The following DYNC1I1 variants were observed in gnomAD, a reference collection of about 807,000 sequenced individuals.
The protein encoded by DYNC1I1 is cytoplasmic dynein 1 intermediate chain 1.
In DYNC1I1, 43 loss-of-function variants were observed where a neutral mutation model predicts 86.6. The observed-to-expected ratio is 0.50, with a 90% CI of 0.39 to 0.64. DYNC1I1 has a LOEUF of 0.64. DYNC1I1 is among the 30% of genes least tolerant of loss of function. The pLI, the probability that DYNC1I1 is intolerant of heterozygous loss-of-function variation, is 0.00. For synonymous variants in DYNC1I1, 262 were observed against 283.7 expected (o/e 0.92, Z 0.77); for missense variants, 604 against 788.8 (o/e 0.77, Z 2.81).
chr7:96,089,219 A>AT (rs1439576793), intron 16 of DYNC1I1, among the ~76,000 whole-genome samples: 11 of 124,026 alleles, frequency 8.9e-5, no homozygotes, highest in Non-Finnish European at 1.5e-4. Flanking sequence ...CCCTCCCTTG[A>AT]TTATCACATT....
At chr7:96,101,964 GC>G (rs1265328075), downstream of DYNC1I1, among the ~76,000 whole-genome samples, 1 of 151,954 alleles carries the variant, frequency 6.6e-6, no homozygotes, top group Non-Finnish European at 1.5e-5. Context: ...AACCCAGTAT[GC>G]CCCCTTTATA....
intron 16 of DYNC1I1, among the ~76,000 whole-genome samples, chr7:96,090,861 C>T (rs977354416): frequency 1.3e-5 from 2 of 152,178 alleles, no homozygotes; most frequent in African/African-American, 2.4e-5. Context: ...AGTATATTTA[C>T]ACCCTCTGTA....
intron 1 of DYNC1I1, among the ~76,000 whole-genome samples, chr7:95,796,160 C>T (rs901048747): frequency 9.9e-5 from 15 of 152,068 alleles, no homozygotes; most frequent in Non-Finnish European, 1.5e-4. Flanking sequence ...ACCAGGCTAA[C>T]GCCCATTTGT....
intron 5 of DYNC1I1, among the ~76,000 whole-genome samples, chr7:95,836,328 G>A (rs899167437): frequency 1.1e-4 from 17 of 152,056 alleles, no homozygotes; most frequent in East Asian, 1.9e-4. Flanking sequence ...GGTTTCTGCC[G>A]AGAGATCCGC....
intron 6 of DYNC1I1, among the ~76,000 whole-genome samples, chr7:95,945,165 A>G (rs1035162211): frequency 1.3e-4 from 20 of 152,056 alleles, no homozygotes; most frequent in African/African-American, 4.6e-4. Context: ...GTATTTTTAG[A>G]CACTCTACAG....
At chr7:95,787,528 G>A (rs188134638) in intron 1 of DYNC1I1, among the ~76,000 whole-genome samples, 1 of 152,244 alleles carries the variant, frequency 6.6e-6, no homozygotes, top group East Asian at 1.9e-4. Context: ...CCAATGGAGC[G>A]TTGACACTTT....
At chr7:95,798,496 G>T (rs979308751) in intron 1 of DYNC1I1, among the ~76,000 whole-genome samples, 13 of 152,064 alleles carry the variant, frequency 8.5e-5, no homozygotes, top group Non-Finnish European at 1.9e-4. Flanking sequence ...ATCTGTGGCA[G>T]ATGAAAAGTT....
chr7:95,902,223 A>G (rs561721968), intron 6 of DYNC1I1, among the ~76,000 whole-genome samples: 4 of 152,290 alleles, frequency 2.6e-5, no homozygotes, highest in Admixed American at 2.6e-4. Context: ...CTTGTTCTCC[A>G]GTGGCGTGTT....
intron 6 of DYNC1I1, among the ~76,000 whole-genome samples, chr7:95,924,318 A>G (rs890252068): frequency 1.1e-4 from 17 of 152,292 alleles, no homozygotes; most frequent in South Asian, 2.1e-4. Flanking sequence ...TGCATTTGAA[A>G]TGTGGCTAGT....
intron 6 of DYNC1I1, among the ~76,000 whole-genome samples, chr7:95,909,440 T>G (rs1244719885): frequency 6.6e-6 from 1 of 152,002 alleles, no homozygotes; most frequent in Non-Finnish European, 1.5e-5. Context: ...GCATCTTCTG[T>G]GTGACTACAT....
intron 10 of DYNC1I1, among the ~76,000 whole-genome samples, chr7:95,999,673 A>G (rs1363217759): frequency 6.6e-6 from 1 of 152,136 alleles, no homozygotes; most frequent in Non-Finnish European, 1.5e-5. Context: ...GTAACAGAGG[A>G]GGGAGTGTGG....
At chr7:96,077,650 A>G (rs1014892436) in intron 15 of DYNC1I1, among the ~76,000 whole-genome samples, 3 of 152,176 alleles carry the variant, frequency 2.0e-5, no homozygotes, top group African/African-American at 7.2e-5. Context: ...AAGCAACCAA[A>G]AAAACTAACA....
chr7:95,969,734 A>G (rs1793116404), intron 6 of DYNC1I1, among the ~76,000 whole-genome samples: 1 of 152,082 alleles, frequency 6.6e-6, no homozygotes, highest in African/African-American at 2.4e-5. Flanking sequence ...TCCCATTTGC[A>G]ATGCCTTGGG....
At chr7:95,898,235 C>T (rs959497487) in intron 6 of DYNC1I1, among the ~76,000 whole-genome samples, 1 of 152,308 alleles carries the variant, frequency 6.6e-6, no homozygotes, top group Admixed American at 6.5e-5. Flanking sequence ...GAATATCAAA[C>T]TTGGCCACCT....
chr7:95,782,906 G>A (rs889276435), intron 1 of DYNC1I1, among the ~76,000 whole-genome samples: 11 of 152,170 alleles, frequency 7.2e-5, no homozygotes, highest in Non-Finnish European at 2.9e-5. Context: ...TCCTCTCGAT[G>A]TTCAGATGTC....
At chr7:95,830,282 A>G (rs1289549407) in intron 5 of DYNC1I1, among the ~76,000 whole-genome samples, 1 of 152,102 alleles carries the variant, frequency 6.6e-6, no homozygotes, top group Non-Finnish European at 1.5e-5. Context: ...ATGCACATCC[A>G]TGAAATTATT....
intron 10 of DYNC1I1, among the ~76,000 whole-genome samples, chr7:96,006,602 G>A (rs1360721797): frequency 6.6e-6 from 1 of 152,134 alleles, no homozygotes; most frequent in Non-Finnish European, 1.5e-5. Context: ...GCCAAGTTCT[G>A]TAAAACATCA....
At chr7:95,892,937 A>T (rs1208538721) in intron 6 of DYNC1I1, among the ~76,000 whole-genome samples, 2 of 152,172 alleles carry the variant, frequency 1.3e-5, no homozygotes, top group Non-Finnish European at 2.9e-5. Flanking sequence ...ATGGCCTCTT[A>T]AAAAAATTGC....
intron 6 of DYNC1I1, among the ~76,000 whole-genome samples, chr7:95,875,163 A>T (rs565070344): frequency 6.6e-6 from 1 of 152,224 alleles, no homozygotes. Context: ...TGGGGATGCT[A>T]TGACTCAACT....
Sources: allele counts gnomAD v4.1 joint callset (sites outside exome capture counted in the v4.1 genomes callset), GRCh38; gene constraint gnomAD v4.1.1; transcripts MANE v1.5; gene names NCBI Gene and HGNC (gene_info 2026-07-23, HGNC 2026-07-21).